POU6F2: variants seen among roughly 807,000 people sequenced by gnomAD.
The protein encoded by POU6F2 is POU domain, class 6, transcription factor 2.
POU6F2 carries 31 observed loss-of-function variants against 71.3 expected under a neutral mutation model. That is an observed-to-expected ratio of 0.43 (90% CI 0.33 to 0.59). POU6F2 has a LOEUF of 0.59. POU6F2 is among the 20% of genes least tolerant of loss of function. The probability of loss-of-function intolerance (pLI) is 0.04; values close to 1 mark genes in which losing one functional copy is unlikely to be tolerated. For missense variants in POU6F2, 783 were observed against 856.8 expected (o/e 0.91, Z 1.07); for synonymous variants, 347 against 355.7 (o/e 0.98, Z 0.27).
intron 2 of POU6F2, among the ~76,000 whole-genome samples, chr7:39,131,208 C>T (rs934830309): frequency 6.6e-6 from 1 of 152,178 alleles, no homozygotes; most frequent in African/African-American, 2.4e-5. Context: ...CCCTCCTGAA[C>T]CAGAGTGGTG....
chr7:39,219,639 A>T (rs981733092), intron 4 of POU6F2, among the ~76,000 whole-genome samples: 1 of 152,228 alleles, frequency 6.6e-6, no homozygotes, highest in African/African-American at 2.4e-5. Context: ...TCTGAAAAAT[A>T]CTTGGCTCCA....
chr7:39,191,419 A>T (rs1200407808), intron 2 of POU6F2, among the ~76,000 whole-genome samples: 1 of 152,206 alleles, frequency 6.6e-6, no homozygotes, highest in Non-Finnish European at 1.5e-5. Context: ...CTGACCCTAA[A>T]GTTCTAAAAT....
At chr7:39,275,949 C>A (rs1470240694) in intron 4 of POU6F2, among the ~76,000 whole-genome samples, 15 of 151,874 alleles carry the variant, frequency 9.9e-5, no homozygotes, top group African/African-American at 3.4e-4. Context: ...CATAAAAACC[C>A]TAGAAGAAAA....
At chr7:39,091,831 C>T (rs935024944) in intron 2 of POU6F2, among the ~76,000 whole-genome samples, 4 of 152,186 alleles carry the variant, frequency 2.6e-5, no homozygotes, top group South Asian at 2.1e-4. Context: ...TTCACTTGAC[C>T]GTTTCAAGTG....
intron 2 of POU6F2, among the ~76,000 whole-genome samples, chr7:39,113,922 T>G (rs1791874984): frequency 1.3e-5 from 2 of 152,048 alleles, no homozygotes; most frequent in Admixed American, 6.6e-5. Flanking sequence ...TGGGGGAAAA[T>G]TCAAGGAATA....
intron 2 of POU6F2, among the ~76,000 whole-genome samples, chr7:39,177,127 T>C (rs1367971238): frequency 6.6e-6 from 1 of 152,226 alleles, no homozygotes. Context: ...ATCAGGTCAC[T>C]ATAGGAGGAT....
chr7:39,292,552 A>G (rs183303716), intron 4 of POU6F2, among the ~76,000 whole-genome samples: 53 of 152,304 alleles, frequency 3.5e-4, no homozygotes, highest in Middle Eastern at 3.4e-3. Context: ...GGAATAAGAG[A>G]TAAGGTCTTC....
intron 1 of POU6F2, among the ~76,000 whole-genome samples, chr7:39,040,086 ATG>A (rs1790156273): frequency 3.4e-5 from 1 of 29,192 alleles, no homozygotes; most frequent in Non-Finnish European, 7.1e-5. Context: ...ATACATATAT[ATG>A]TATTATATAT....
At chr7:39,102,890 A>G (rs562400902) in intron 2 of POU6F2, among the ~76,000 whole-genome samples, 2 of 152,238 alleles carry the variant, frequency 1.3e-5, no homozygotes, top group Non-Finnish European at 2.9e-5. Flanking sequence ...AGCCAATTGT[A>G]ACATGTTGGT....
At chr7:39,019,382 C>T (rs2128706264) in intron 1 of POU6F2, among the ~76,000 whole-genome samples, 1 of 152,160 alleles carries the variant, frequency 6.6e-6, no homozygotes, top group South Asian at 2.1e-4. Flanking sequence ...CTTTAGAATC[C>T]TTGTGTTCCG....
chr7:39,330,464 G>A (rs904537016), intron 4 of POU6F2, among the ~76,000 whole-genome samples: 16 of 152,010 alleles, frequency 1.1e-4, no homozygotes, highest in Non-Finnish European at 1.8e-4. Flanking sequence ...TTGTGTTCTC[G>A]TGAAATCTTT....
intron 4 of POU6F2, among the ~76,000 whole-genome samples, chr7:39,248,154 A>C (rs983310519): frequency 6.6e-6 from 1 of 152,198 alleles, no homozygotes. Context: ...AGAAGTGGAC[A>C]TATTGACTTG....
chr7:39,087,187 T>C (rs1001061955), intron 2 of POU6F2, among the ~76,000 whole-genome samples: 1 of 144,712 alleles, frequency 6.9e-6, no homozygotes, highest in African/African-American at 2.6e-5. Flanking sequence ...TTTATTTATT[T>C]ATTTATTTAT....
At chr7:39,045,217 G>C (rs898516136) in intron 1 of POU6F2, among the ~76,000 whole-genome samples, 1 of 151,902 alleles carries the variant, frequency 6.6e-6, no homozygotes, top group African/African-American at 2.4e-5. Context: ...CCTATAGCTC[G>C]AACTGAGAAA....
chr7:39,143,795 A>G (rs987578451), intron 2 of POU6F2, among the ~76,000 whole-genome samples: 1 of 152,236 alleles, frequency 6.6e-6, no homozygotes, highest in African/African-American at 2.4e-5. Context: ...GAGGATCTGG[A>G]CAGTTAGATT....
intron 1 of POU6F2, among the ~76,000 whole-genome samples, chr7:39,058,941 G>A (rs934253432): frequency 6.6e-6 from 1 of 152,116 alleles, no homozygotes; most frequent in African/African-American, 2.4e-5. Context: ...AAACAACCTG[G>A]ATTGTATGAA....
At chr7:39,297,825 A>G (rs4723843) in intron 4 of POU6F2, among the ~76,000 whole-genome samples, 126,416 of 152,172 alleles carry the variant, frequency 0.83, 52,529 homozygotes, top group Admixed American at 0.89. Context: ...CAATGGAACA[A>G]AACAGAGACC....
At chr7:39,053,087 A>C (rs1393631896) in intron 1 of POU6F2, among the ~76,000 whole-genome samples, 1 of 152,030 alleles carries the variant, frequency 6.6e-6, no homozygotes, top group Non-Finnish European at 1.5e-5. Context: ...AATACATTCC[A>C]TTTTTTCAAA....
chr7:39,083,230 T>C (rs1282643218), intron 1 of POU6F2, among the ~76,000 whole-genome samples: 2 of 152,206 alleles, frequency 1.3e-5, no homozygotes, highest in Non-Finnish European at 2.9e-5. Context: ...TTAATAATCA[T>C]GTCTGTTTTA....
Sources: allele counts gnomAD v4.1 joint callset (sites outside exome capture counted in the v4.1 genomes callset), GRCh38; gene constraint gnomAD v4.1.1; transcripts MANE v1.5; gene names NCBI Gene and HGNC (gene_info 2026-07-23, HGNC 2026-07-21).